The following FASTKD2 variants were observed in gnomAD, a reference collection of about 807,000 sequenced individuals.
FASTKD2 encodes the protein FAST kinase domain-containing protein 2, mitochondrial.
A neutral mutation model predicts 63.6 loss-of-function variants in FASTKD2; 51 were observed. That is an observed-to-expected ratio of 0.80 (90% CI 0.64 to 1.01). The LOEUF is 1.01. FASTKD2 is among the 50% of genes least tolerant of loss of function. The pLI, the probability that FASTKD2 is intolerant of heterozygous loss-of-function variation, is 0.00. For missense variants in FASTKD2, 786 were observed against 831.1 expected (o/e 0.95, Z 0.67); for synonymous variants, 284 against 293.4 (o/e 0.97, Z 0.33).
intron 6 of FASTKD2, among the ~76,000 whole-genome samples, chr2:206,773,157 A>G (rs1689732694): frequency 6.6e-6 from 1 of 152,084 alleles, no homozygotes. Context: ...TCTACTAAAA[A>G]TACAAAAAGT....
At chr2:206,773,848 G>A (rs963074715) in intron 6 of FASTKD2, among the ~76,000 whole-genome samples, 3 of 152,152 alleles carry the variant, frequency 2.0e-5, no homozygotes, top group East Asian at 1.9e-4. Context: ...TTGGGAATGC[G>A]AGAAGTTCAA....
At chr2:206,766,493 C>A (rs1689477613) in intron 1 of FASTKD2, among the ~76,000 whole-genome samples, 151 bp from the exon 2 acceptor site, 1 of 152,028 alleles carries the variant, frequency 6.6e-6, no homozygotes, top group Non-Finnish European at 1.5e-5. Context: ...TTGGAGGGAG[C>A]CCACATTGGT....
At chr2:206,774,032 C>A (rs1689756102) in intron 6 of FASTKD2, among the ~76,000 whole-genome samples, 193 bp from the exon 7 acceptor site, 1 of 151,986 alleles carries the variant, frequency 6.6e-6, no homozygotes, top group Admixed American at 6.6e-5. Context: ...AACTTGATAC[C>A]CAATTCAAGA....
At position 206,774,344 on chromosome 2, in the gene FASTKD2, T is replaced by C. The variant is rs750330885; in HGVS notation, c.1374T>C (p.Ser458=). The change falls in exon 7 of 12, where the codon TCT becomes TCC. Residue 458 remains serine (S), a synonymous_variant. Transcript: ENST00000402774. ...CCCTAAACATGAAAAACATTCTATC[T>C]ATTCTTCATACTTACTCTTCTCTCA... The part of the protein sequence containing the change: ...PESLNMKNIL[S]ILHTYSSLNH... 6.2e-6 allele frequency: 10 copies of C among 1,603,780 alleles called. No homozygotes were observed. The Admixed American group carries it at 1.3e-4, about 21-fold the overall frequency.
At chr2:206,771,326 G>GA (rs1407717939) in intron 4 of FASTKD2, 36 bp downstream of exon 4, 2 of 1,262,724 alleles carry the variant, frequency 1.6e-6, no homozygotes, top group African/African-American at 2.9e-5. Flanking sequence ...GATGAGATTT[G>GA]AAAAAATCTT....
At chr2:206,782,141 G>T (rs536890364) in intron 7 of FASTKD2, among the ~76,000 whole-genome samples, 1 of 152,142 alleles carries the variant, frequency 6.6e-6, no homozygotes, top group Non-Finnish European at 1.5e-5. Context: ...CCAGCCCCTA[G>T]GGCAGCACAG....
At chr2:206,770,832 A>G (rs1178223531) in intron 3 of FASTKD2, among the ~76,000 whole-genome samples, 1 of 152,138 alleles carries the variant, frequency 6.6e-6, no homozygotes, top group African/African-American at 2.4e-5. Flanking sequence ...GTTGACGTTG[A>G]CCCAGCTTGA....
At position 206,767,365 on chromosome 2, in the gene FASTKD2, C is replaced by T. The variant is rs767701305; in HGVS notation, c.672C>T (p.Ala224=). 1.9e-6 allele frequency: 3 copies of T among 1,614,020 alleles called. No individual in the cohort carries two copies. The highest frequency in any genetic ancestry group is 1.7e-5 in the Admixed American group (1 of 60,026). Residue 224 remains alanine (A), a synonymous_variant, in exon 2 of 12, where the codon GCC becomes GCT. Transcript: ENST00000402774. The part of the protein sequence containing the change: ...NQLCEHMMRE[A]KIMQYKYLLF... ...TCTGTGAACATATGATGAGAGAAGC[C>T]AAGATCATGCAGTATAAGTACCTAC...
Position 206,786,779 on chromosome 2 carries a change from A to G in FASTKD2, c.1474A>G (p.Thr492Ala), listed in dbSNP as rs377755680. 6.2e-7 allele frequency: 1 copy of G among 1,613,802 alleles called. No individual in the cohort carries two copies. Among genetic ancestry groups the G allele is most frequent in the Non-Finnish European group, 8.5e-7 (1 of 1,179,752 alleles). The change falls in exon 8 of 12, where the codon ACT becomes GCT. Residue 492 changes from threonine to alanine, a missense_variant. Physicochemically the swap from Thr to Ala is moderately conservative, Grantham distance 58. Coordinates refer to ENST00000402774, the MANE Select transcript of FASTKD2 (RefSeq NM_001136193.2). ...MASALTGYLH[T>A]ISSENLLDAV... ...TAGTGCTCTGACTGGTTATCTTCACACTATTTCTTCTGAAAACTTATTGGA... is the reference window on the plus strand; with the variant it reads ...TAGTGCTCTGACTGGTTATCTTCACGCTATTTCTTCTGAAAACTTATTGGA...
intron 10 of FASTKD2, chr2:206,790,326 G>T (rs957347947): frequency 2.4e-6 from 1 of 416,058 alleles, no homozygotes; most frequent in Non-Finnish European, 4.5e-6. Flanking sequence ...CTTCAAAAAT[G>T]TAGCCATCCT....
Position 206,794,214 on chromosome 2 carries a change from C to G in FASTKD2, c.*2412C>G, listed in dbSNP as rs1425884597. Among the ~76,000 whole-genome samples, 1 of 151,980 alleles carries G rather than the reference C, an allele frequency of 6.6e-6. No homozygotes were observed. The highest frequency in any genetic ancestry group is 1.5e-5 in the Non-Finnish European group (1 of 67,990). ...TTCCTGTCTTTGCTTTTTTCTCTGT[C>G]CCCTAAACAACCACTGATCTATGGC... On this transcript the variant is annotated 3_prime_UTR_variant, in exon 12 of 12. Coordinates refer to ENST00000402774, the MANE Select transcript of FASTKD2 (RefSeq NM_001136193.2).
Position 206,767,435 on chromosome 2 carries a change from A to G in FASTKD2, c.742A>G (p.Thr248Ala), listed in dbSNP as rs1286038410. Residue 248 changes from threonine (T) to alanine (A), a missense_variant, in exon 2 of 12, where the codon ACT becomes GCT. Coordinates refer to ENST00000402774, the MANE Select transcript of FASTKD2 (RefSeq NM_001136193.2). ...AGTGAAGCTTGGAATCCCTCAGAACACTATTTTGGTGCAGACTTTGCTGAG... is the reference window on the plus strand; with the variant it reads ...AGTGAAGCTTGGAATCCCTCAGAACGCTATTTTGGTGCAGACTTTGCTGAG... The part of the protein sequence containing the change: ...AIVKLGIPQN[T>A]ILVQTLLRVT... The G allele has an allele frequency of 2.5e-6, 4 of 1,612,570 alleles. No individual in the cohort carries two copies. Among genetic ancestry groups the G allele is most frequent in the East Asian group, 4.5e-5 (2 of 44,894 alleles).
chr2:206,771,855 A>C (rs772556733), intron 4 of FASTKD2, 39 bp from the exon 5 acceptor site: 2 of 1,464,086 alleles, frequency 1.4e-6, no homozygotes, highest in Non-Finnish European at 1.9e-6. Flanking sequence ...TTATTTTGTC[A>C]CAGATAGTAA....
rs1690256173 is a variant in FASTKD2, at chr2:206,790,554, G to A, written c.1899-18G>A. On this transcript the variant is annotated intron_variant, in intron 10 of 11. Transcript: ENST00000402774. ...TAATATCAATAACTGTTCTTGTTTT[G>A]TTTATTTTTGTTTTCAGAGTAGCTG... 1 of 1,407,334 alleles carries A rather than the reference G, an allele frequency of 7.1e-7. No individual in the cohort carries two copies. The highest frequency in any genetic ancestry group is 1.0e-6 in the Non-Finnish European group (1 of 992,478). The allele number at this position is 1,407,334 out of a possible 1,614,324, so 87.2% of individuals were successfully genotyped here.
At chr2:206,791,328 A>G (rs562764032) in intron 11 of FASTKD2, 183 of 240,240 alleles carry the variant, frequency 7.6e-4, no homozygotes, top group African/African-American at 4.0e-3. Context: ...AGTATTGGAA[A>G]TGGATTACGT....
intron 11 of FASTKD2, 115 bp from the exon 12 acceptor site, chr2:206,791,568 A>C: frequency 1.1e-6 from 1 of 924,528 alleles, no homozygotes; most frequent in South Asian, 1.3e-5. Flanking sequence ...ATAAGGTCAC[A>C]TTTGCTTTCA....
rs963104193 is a variant in FASTKD2, at chr2:206,774,121, G to C, written c.1255-104G>C. The C allele has an allele frequency of 1.4e-5, 10 of 730,074 alleles. No homozygotes were observed. In the African/African-American group the frequency reaches 1.6e-4, roughly 12 times the overall value. 45.2% of individuals were successfully genotyped at this position (730,074 alleles called of 1,614,324 possible). On this transcript the variant is annotated intron_variant, in intron 6 of 11. Transcript: ENST00000402774. ...ATTCTGTTTCAGGATATATTCTGTT[G>C]ATCAGGACAGTTGAATTGCTGCTTA...
chr2:206,790,360 T>G, intron 10 of FASTKD2: 1 of 497,520 alleles, frequency 2.0e-6, no homozygotes, highest in Non-Finnish European at 3.7e-6. Flanking sequence ...GAGGTAACTG[T>G]GTATAATGTT....
intron 7 of FASTKD2, among the ~76,000 whole-genome samples, chr2:206,778,298 T>C (rs982956957): frequency 6.6e-6 from 1 of 152,158 alleles, no homozygotes; most frequent in Non-Finnish European, 1.5e-5. Flanking sequence ...TAAGTTTTCT[T>C]GTTAGTACTG....
Sources: gnomAD v4.1 joint callset for allele counts (sites outside exome capture counted in the v4.1 genomes callset) on GRCh38, gnomAD v4.1.1 for gene constraint, MANE v1.5 for transcripts, NCBI Gene and HGNC (gene_info 2026-07-23, HGNC 2026-07-21) for gene names.